Variants in THTPA observed in about 807,000 individuals in gnomAD.
THTPA encodes the protein thiamine triphosphatase, also known as thiamine-triphosphatase.
A neutral mutation model predicts 16.5 loss-of-function variants in THTPA; 16 were observed. The ratio of observed to expected loss-of-function variants is 0.97; its 90% CI spans 0.66 to 1.47. The LOEUF (loss-of-function observed/expected upper bound fraction) is 1.47, where lower values mean the gene tolerates loss of function less well. THTPA is among the 40% of genes most tolerant of loss of function. THTPA has a pLI of 0.00. For synonymous variants in THTPA, 110 were observed against 115.5 expected, an observed-to-expected ratio of 0.95 and a Z score of 0.30; for missense variants, 281 against 280.9, an observed-to-expected ratio of 1.00 and a Z score of 0.00.
At chr14:23,533,105 A>C in the THTPA span, 1 of 1,492,554 alleles carries the variant, frequency 6.7e-7, no homozygotes, top group African/African-American at 1.4e-5. The surrounding 1 kb of genome is among the most constrained non-coding windows in gnomAD (Gnocchi z 4.8). Context: ...GAGACAGATT[A>C]GTGGCCCAAG....
the THTPA span, among the ~76,000 whole-genome samples, chr14:23,537,510 C>A: frequency 1.3e-5 from 2 of 152,186 alleles, no homozygotes; most frequent in East Asian, 3.9e-4. Flanking sequence ...AACCTGAAGG[C>A]CCCATTGTAG....
the THTPA span, among the ~76,000 whole-genome samples, chr14:23,540,945 A>G: frequency 6.6e-6 from 1 of 150,414 alleles, no homozygotes; most frequent in African/African-American, 2.5e-5. Context: ...TCGCTCTGTC[A>G]CCCAGGGTGG....
the THTPA span, chr14:23,532,984 C>G: frequency 2.0e-6 from 3 of 1,536,190 alleles, no homozygotes; most frequent in Non-Finnish European, 2.6e-6. Flanking sequence ...CCTTCAGGGA[C>G]AGGCTGTCGT....
At chr14:23,516,401 G>A in the THTPA span, among the ~76,000 whole-genome samples, 1 of 152,312 alleles carries the variant, frequency 6.6e-6, no homozygotes, top group South Asian at 2.1e-4. Context: ...TTGGGTGGGA[G>A]CAGTGGGAGG....
At chr14:23,549,048 T>C in the THTPA span, among the ~76,000 whole-genome samples, 4 of 152,158 alleles carry the variant, frequency 2.6e-5, no homozygotes, top group Non-Finnish European at 5.9e-5. Context: ...TCTCATCTTG[T>C]TCAGCAATTC....
Position 23,559,769 on chromosome 14 carries a change from G to C in THTPA, c.*929G>C. The stretch of plus-strand genomic sequence containing the variant: ...GACAGTTACTGCCACGATTCCACAG[G>C]CAAGTTGTTCACCTCAAAGATCTCC... On this transcript the variant is annotated 3_prime_UTR_variant, in exon 2 of 2. Coordinates refer to ENST00000288014, the MANE Select transcript of THTPA (RefSeq NM_024328.6). The C allele has an allele frequency of 6.2e-7, 1 of 1,614,126 alleles. No homozygotes were observed. Among genetic ancestry groups the C allele is most frequent in the Non-Finnish European group, 8.5e-7 (1 of 1,180,018 alleles).
At chr14:23,530,073 G>T in the THTPA span, 2 of 1,472,652 alleles carry the variant, frequency 1.4e-6, no homozygotes, top group East Asian at 2.5e-5. Flanking sequence ...GGTCCCGTGA[G>T]CGTCTCAGAA....
the THTPA span, among the ~76,000 whole-genome samples, chr14:23,539,362 C>T: frequency 6.6e-6 from 1 of 152,138 alleles, no homozygotes; most frequent in African/African-American, 2.4e-5. Context: ...AATTACTGAG[C>T]TGCAAATGTT....
chr14:23,522,614 G>A, the THTPA span: 1 of 1,532,662 alleles, frequency 6.5e-7, no homozygotes, highest in Non-Finnish European at 8.7e-7. Flanking sequence ...TGGCGGTGCT[G>A]TTCCCCCAGC....
rs563415164 is a variant in THTPA at position 23,558,337 on chromosome 14, C to T, written c.548-358C>T. Among the ~76,000 whole-genome samples the T allele has an allele frequency of 2.6e-5, 4 of 152,326 alleles. No homozygotes were observed. The South Asian group carries it at 8.3e-4, about 32-fold the overall frequency. On this transcript the variant is annotated intron_variant, in intron 1 of 1. Transcript: ENST00000288014. Reference sequence around the variant, plus strand: ...TCATTACTAAGCTAATGAGCTTTGGCCTGGTCTAGGGCTTTAATCTTGATT... The same window carrying T: ...TCATTACTAAGCTAATGAGCTTTGGTCTGGTCTAGGGCTTTAATCTTGATT...
the THTPA span, chr14:23,534,721 T>C: frequency 2.6e-6 from 4 of 1,536,132 alleles, no homozygotes; most frequent in Non-Finnish European, 3.5e-6. This position sits in a 1 kb window ranked among gnomAD's most constrained non-coding sequence, Gnocchi z 4.5. Flanking sequence ...TCCATGCCTT[T>C]CCTCACAGGC....
chr14:23,558,707 A>G lies in THTPA; in HGVS notation c.560A>G (p.Gln187Arg), dbSNP rs998746375. Residue 187 changes from glutamine to arginine, a missense_variant, in exon 2 of 2, where the codon CAG becomes CGG. Gln to Arg is a conservative substitution (Grantham distance 43). Transcript: ENST00000288014. ...RLSSMLGVPA[Q>R]ETAPAKLIVY... ...CTTTTACCTGTAGGTGTGCCTGCAC[A>G]GGAGACAGCACCAGCCAAGCTGATT... 1 of 1,614,246 alleles carries G rather than the reference A, an allele frequency of 6.2e-7. No homozygotes were observed. The highest frequency in any genetic ancestry group is 8.5e-7 in the Non-Finnish European group (1 of 1,180,050).
At chr14:23,525,512 C>T in the THTPA span, 3 of 1,535,638 alleles carry the variant, frequency 2.0e-6, no homozygotes, top group African/African-American at 2.7e-5. This position sits in a 1 kb window ranked among gnomAD's most constrained non-coding sequence, Gnocchi z 5.9. Flanking sequence ...CAGCTTGTCC[C>T]CACCCCCGAG....
chr14:23,536,945 C>G, the THTPA span, among the ~76,000 whole-genome samples: 12 of 79,754 alleles, frequency 1.5e-4, no homozygotes, highest in East Asian at 4.7e-3. Context: ...TGAGACTAGC[C>G]TGGCCAACAT....
chr14:23,527,709 T>A, the THTPA span: 1 of 1,536,200 alleles, frequency 6.5e-7, no homozygotes, highest in Non-Finnish European at 8.7e-7. Flanking sequence ...ACAGTGGGCA[T>A]CTGTACTTGG....
chr14:23,525,411 C>T, the THTPA span: 1 of 1,536,122 alleles, frequency 6.5e-7, no homozygotes, highest in Non-Finnish European at 8.7e-7. The surrounding 1 kb of genome is among the most constrained non-coding windows in gnomAD (Gnocchi z 5.9). Flanking sequence ...CGGCTCAGGG[C>T]TTCAAAGGGC....
In THTPA at chr14:23,557,114, T is replaced by C. The variant is rs1882473755; in HGVS notation, c.357T>C (p.Ala119=). 1.9e-6 allele frequency: 3 copies of C among 1,614,056 alleles called. No individual in the cohort carries two copies. In the African/African-American group the frequency reaches 4.0e-5, roughly 22 times the overall value. ...GCCCACTGGGGCTGCAGGAAGTAGC[T>C]AGTTTTGTGACTAAGCGGAGTGCCT... ...VLGPLGLQEV[A]SFVTKRSAWK... The change falls in exon 1 of 2, where the codon GCT becomes GCC. Residue 119 remains alanine (A), a synonymous_variant. Coordinates refer to ENST00000288014, the MANE Select transcript of THTPA (RefSeq NM_024328.6).
chr14:23,529,749 G>C, the THTPA span: 2 of 1,536,126 alleles, frequency 1.3e-6, no homozygotes, highest in African/African-American at 2.7e-5. Context: ...GGCCAGTCTT[G>C]TTTTCTGTCT....
At chr14:23,531,556 C>G in the THTPA span, 1 of 1,523,112 alleles carries the variant, frequency 6.6e-7, no homozygotes, top group South Asian at 1.2e-5. Flanking sequence ...GTGGTTGGGC[C>G]ATTCTGTAGC....
Sources: gnomAD v4.1 joint callset for allele counts (sites outside exome capture counted in the v4.1 genomes callset) on GRCh38, gnomAD v4.1.1 for gene constraint, Gnocchi (gnomAD v3.1) non-coding constraint, MANE v1.5 for transcripts, NCBI Gene and HGNC (gene_info 2026-07-23, HGNC 2026-07-21) for gene names.